Variants in CCDC6 observed in about 807,000 individuals in gnomAD.
The protein encoded by CCDC6 is coiled-coil domain containing 6, also known as coiled-coil domain-containing protein 6.
CCDC6 carries 20 observed loss-of-function variants against 56.6 expected under a neutral mutation model. That is an observed-to-expected ratio of 0.35 (90% confidence interval 0.25 to 0.51). The LOEUF is 0.51. Among genes scored for constraint, CCDC6 ranks in the 20% least tolerant of loss-of-function variants. The pLI is 0.95. For missense variants in CCDC6, 367 were observed against 601.1 expected (o/e 0.61, Z 4.07); for synonymous variants, 241 against 234.4 (o/e 1.03, Z -0.26).
chr10:59,860,068 C>G (rs943289236), intron 1 of CCDC6, among the ~76,000 whole-genome samples: 1 of 152,082 alleles, frequency 6.6e-6, no homozygotes, highest in East Asian at 1.9e-4. Context: ...GGCAACAGAG[C>G]GAGATTCTGT....
chr10:59,809,639 G>A (rs1244373536), intron 5 of CCDC6, among the ~76,000 whole-genome samples: 1 of 152,156 alleles, frequency 6.6e-6, no homozygotes, highest in East Asian at 1.9e-4. Context: ...CTAGTACTTA[G>A]GGGCCACAGC....
At chr10:59,872,536 GA>G (rs149099249) in intron 1 of CCDC6, among the ~76,000 whole-genome samples, 2,541 of 152,240 alleles carry the variant, frequency 0.017, 30 homozygotes, top group Middle Eastern at 0.044. Flanking sequence ...CAATTCCTCC[GA>G]AGAAGTAAAA....
intron 1 of CCDC6, among the ~76,000 whole-genome samples, chr10:59,854,660 A>G (rs1709342): frequency 0.21 from 32,512 of 152,140 alleles, 4,688 homozygotes; most frequent in African/African-American, 0.41. Flanking sequence ...CTGAGAACTC[A>G]TACTTCTCCT....
chr10:59,804,556 G>T, intron 6 of CCDC6, 36 bp from the exon 7 acceptor site: 1 of 1,194,412 alleles, frequency 8.4e-7, no homozygotes, highest in African/African-American at 1.5e-5. Context: ...AAAACCACCT[G>T]CATTTAAATA....
At chr10:59,813,115 A>G (rs987764692) in intron 4 of CCDC6, among the ~76,000 whole-genome samples, 1 of 152,220 alleles carries the variant, frequency 6.6e-6, no homozygotes, top group Non-Finnish European at 1.5e-5. Context: ...ACTTAGAAAT[A>G]CCTGCTGACT....
At chr10:59,862,570 T>TACACACACACACACACACACAC (rs907275659) in intron 1 of CCDC6, among the ~76,000 whole-genome samples, 1 of 96,364 alleles carries the variant, frequency 1.0e-5, no homozygotes, top group Non-Finnish European at 2.0e-5. Flanking sequence ...TATATACACA[T>TACACACACACACACACACACAC]ACACACACAC....
chr10:59,846,383 A>G (rs1450717756), intron 2 of CCDC6, among the ~76,000 whole-genome samples: 1 of 152,190 alleles, frequency 6.6e-6, no homozygotes, highest in East Asian at 1.9e-4. Context: ...CTGCTCAGCT[A>G]TAAATCATTT....
At position 59,815,726 on chromosome 10, in the gene CCDC6, C is replaced by T. The variant is rs184650367; in HGVS notation, c.583-971G>A. ...ATGCAAAGAGCCTATGCTACTGCTT[C>T]CATGTTATTTCTTCAACCAGTGGCA... On this transcript the variant is annotated intron_variant, in intron 3 of 8. Coordinates refer to ENST00000263102, the MANE Select transcript of CCDC6 (RefSeq NM_005436.5). Among the ~76,000 whole-genome samples, 206 of 152,274 alleles carry T rather than the reference C, an allele frequency of 1.4e-3. 1 individual carries two copies. The highest frequency in any genetic ancestry group is 4.8e-3 in the African/African-American group (200 of 41,550).
rs759193931 is a variant in CCDC6 at position 59,906,114 on chromosome 10, G to A, written c.303+8C>T. On this transcript the variant is annotated splice_region_variant and intron_variant, in intron 1 of 8. Transcript: ENST00000263102. ...CGGCGCTGCGGCGCGTCCCCGGGGG[G>A]CACTCACGATGGTCACGCTGGCTTT... 27 of 1,578,958 alleles carry A rather than the reference G, an allele frequency of 1.7e-5. No individual in the cohort carries two copies. The highest frequency in any genetic ancestry group is 6.9e-5 in the South Asian group (6 of 87,420).
intron 1 of CCDC6, among the ~76,000 whole-genome samples, chr10:59,902,653 C>A (rs1358781808): frequency 6.6e-6 from 1 of 152,086 alleles, no homozygotes; most frequent in Admixed American, 6.5e-5. Flanking sequence ...CCTGCCTTGG[C>A]CTCCCCAAAG....
At chr10:59,794,014 T>G (rs960040237) in intron 8 of CCDC6, among the ~76,000 whole-genome samples, 2 of 152,146 alleles carry the variant, frequency 1.3e-5, no homozygotes, top group African/African-American at 4.8e-5. Context: ...AAAAACTCCC[T>G]TGGGTAGAGT....
intron 2 of CCDC6, among the ~76,000 whole-genome samples, chr10:59,836,052 T>TAAAAAAAAA (rs59353306): frequency 1.7e-5 from 1 of 57,594 alleles, no homozygotes; most frequent in Admixed American, 2.2e-4. Context: ...CGACCCTGTC[T>TAAAAAAAAA]AAAAAAAAAA....
chr10:59,796,636 T>C (rs955253309), intron 7 of CCDC6, among the ~76,000 whole-genome samples: 1 of 152,174 alleles, frequency 6.6e-6, no homozygotes, highest in Non-Finnish European at 1.5e-5. Flanking sequence ...AAAGAGATAT[T>C]AGCACTCCCA....
At chr10:59,838,729 TAGATCACAATACTTGCTAGTCATGCC>T (rs1203453328) in intron 2 of CCDC6, among the ~76,000 whole-genome samples, 6 of 152,192 alleles carry the variant, frequency 3.9e-5, no homozygotes, top group Admixed American at 3.9e-4. Flanking sequence ...CCGGGGCTTC[TAGATCACAATACTTGCTAGTCATGCC>T]AGATCACTCT....
intron 3 of CCDC6, among the ~76,000 whole-genome samples, chr10:59,822,869 A>G (rs1023322105): frequency 1.3e-5 from 2 of 150,956 alleles, no homozygotes; most frequent in African/African-American, 2.4e-5. Context: ...TAAACCACCC[A>G]TGGCCCTGTC....
chr10:59,800,913 GATTT>G (rs1444323471), intron 7 of CCDC6, among the ~76,000 whole-genome samples: 2 of 149,300 alleles, frequency 1.3e-5, no homozygotes, highest in South Asian at 4.8e-4. Flanking sequence ...AAAATTCTAA[GATTT>G]ATTTCACTGT....
Position 59,792,778 on chromosome 10 carries a change from A to G in CCDC6, c.*139T>C, listed in dbSNP as rs2070479539. On this transcript the variant is annotated 3_prime_UTR_variant, in exon 9 of 9. Transcript: ENST00000263102. Reference sequence around the variant, plus strand: ...GGCTGCATTTCTGACAAACATTTACAACACAATGGATAGTGAAGCCTAGAT... The same window carrying G: ...GGCTGCATTTCTGACAAACATTTACGACACAATGGATAGTGAAGCCTAGAT... 1.1e-6 allele frequency: 1 copy of G among 918,012 alleles called. No individual in the cohort carries two copies. The highest frequency in any genetic ancestry group is 1.8e-6 in the Non-Finnish European group (1 of 553,602). The allele number at this position is 918,012 out of a possible 1,614,324, so 56.9% of individuals were successfully genotyped here.
At chr10:59,806,252 G>C (rs2070621124) in intron 6 of CCDC6, among the ~76,000 whole-genome samples, 1 of 152,180 alleles carries the variant, frequency 6.6e-6, no homozygotes, top group African/African-American at 2.4e-5. Context: ...CCCGAATTTA[G>C]AGAGGAGGAA....
intron 1 of CCDC6, among the ~76,000 whole-genome samples, chr10:59,853,435 A>G (rs1039965209): frequency 6.6e-6 from 1 of 152,150 alleles, no homozygotes; most frequent in Admixed American, 6.5e-5. Flanking sequence ...TCGGGAGGCT[A>G]AGGCAAGAGG....
Sources: gnomAD v4.1 joint callset for allele counts (sites outside exome capture counted in the v4.1 genomes callset) on GRCh38, gnomAD v4.1.1 for gene constraint, MANE v1.5 for transcripts, NCBI Gene and HGNC (gene_info 2026-07-23, HGNC 2026-07-21) for gene names.